INPP5F: variants seen among roughly 807,000 people sequenced by gnomAD.
The protein encoded by INPP5F is inositol polyphosphate-5-phosphatase F.
A neutral mutation model predicts 137.2 loss-of-function variants in INPP5F; 97 were observed. That is an observed-to-expected ratio of 0.71 (90% CI 0.60 to 0.84). The LOEUF is 0.84. Among genes scored for constraint, INPP5F ranks in the 40% least tolerant of loss-of-function variants. The pLI is 0.00. For missense variants in INPP5F, 1,271 were observed against 1,371.9 expected, an observed-to-expected ratio of 0.93 and a Z score of 1.16; for synonymous variants, 504 against 476.9, an observed-to-expected ratio of 1.06 and a Z score of -0.74.
intron 1 of INPP5F, among the ~76,000 whole-genome samples, chr10:119,744,120 T>TCTGTTTTAGTGCTATTAATG (rs1848457665): frequency 6.6e-6 from 1 of 151,104 alleles, no homozygotes; most frequent in Non-Finnish European, 1.5e-5. Context: ...TCTCTTCTAT[T>TCTGTTTTAGTGCTATTAATG]CTGTTTTAGT....
Position 119,827,936 on chromosome 10 carries a change from A to C in INPP5F, c.*156A>C. ...AGTCGGAACCTGAGTAGATTTCCAA[A>C]TTTTACAGCCAGGACTACAGAAGTG... On this transcript the variant is annotated 3_prime_UTR_variant, in exon 20 of 20. Transcript: ENST00000650623. 1.6e-6 allele frequency: 1 copy of C among 612,900 alleles called. No homozygotes were observed. 38.0% of individuals were successfully genotyped at this position (612,900 alleles called of 1,614,324 possible).
At chr10:119,727,163 C>T (rs1281277536) in intron 1 of INPP5F, among the ~76,000 whole-genome samples, 1 of 152,230 alleles carries the variant, frequency 6.6e-6, no homozygotes, top group Non-Finnish European at 1.5e-5. Context: ...TGGGTGGCAC[C>T]TGCCCCTTTT....
rs770768555 is a variant in INPP5F, at chr10:119,805,388, G to A, written c.1246G>A (p.Gly416Arg). 1 of 1,611,268 alleles carries A rather than the reference G, an allele frequency of 6.2e-7. No individual in the cohort carries two copies. Among genetic ancestry groups the A allele is most frequent in the East Asian group, 2.2e-5 (1 of 44,858 alleles). The part of the protein sequence containing the change: ...VSFDFHEHCR[G>R]MKFENVQTLT... ...TTCTTTTGGCATGGATTTTAGCCGA[G>A]GAATGAAGTTTGAGAATGTTCAGAC... is the stretch of plus-strand genomic sequence containing the variant. Residue 416 changes from glycine (G) to arginine (R), a missense_variant, in exon 11 of 20, where the codon GGA (glycine) becomes AGA (arginine). Gly to Arg is a moderately radical substitution (Grantham distance 125, BLOSUM62 -2). Transcript: ENST00000650623.
intron 3 of INPP5F, among the ~76,000 whole-genome samples, chr10:119,785,258 A>G (rs899123111): frequency 8.1e-6 from 1 of 124,138 alleles, no homozygotes; most frequent in African/African-American, 2.9e-5. Context: ...TGGTAACTCT[A>G]TCTAACCTTT....
intron 2 of INPP5F, among the ~76,000 whole-genome samples, chr10:119,777,127 T>G (rs1445666205): frequency 6.6e-6 from 1 of 152,124 alleles, no homozygotes; most frequent in Non-Finnish European, 1.5e-5. Flanking sequence ...ACTCCTGGCC[T>G]TGAGTGATCC....
chr10:119,804,631 T>A (rs1192667901), intron 10 of INPP5F, among the ~76,000 whole-genome samples: 3 of 152,004 alleles, frequency 2.0e-5, no homozygotes, highest in Non-Finnish European at 4.4e-5. Flanking sequence ...AGAATTTCCT[T>A]AAGAGTATCT....
chr10:119,762,538 CACATCTGCAGATGG>C (rs1394159584), intron 2 of INPP5F, among the ~76,000 whole-genome samples: 1 of 152,064 alleles, frequency 6.6e-6, no homozygotes, highest in Non-Finnish European at 1.5e-5. Flanking sequence ...CTGTAGGTTC[CACATCTGCAGATGG>C]ACAATATTCA....
At chr10:119,765,519 A>G (rs779289641) in intron 2 of INPP5F, among the ~76,000 whole-genome samples, 2 of 149,572 alleles carry the variant, frequency 1.3e-5, no homozygotes, top group Non-Finnish European at 3.0e-5. Flanking sequence ...CTACAGGTGC[A>G]CGCCATGATA....
intron 15 of INPP5F, chr10:119,819,379 T>G: frequency 7.3e-7 from 1 of 1,378,360 alleles, no homozygotes; most frequent in Non-Finnish European, 9.5e-7. Context: ...GGACATAATG[T>G]TTTTGACTGG....
intron 2 of INPP5F, among the ~76,000 whole-genome samples, chr10:119,764,972 G>A (rs1849114393): frequency 6.6e-6 from 1 of 151,302 alleles, no homozygotes; most frequent in African/African-American, 2.4e-5. Context: ...CCCTCTTGTC[G>A]CCCAGACTGG....
intron 16 of INPP5F, 47 bp from the exon 17 acceptor site, chr10:119,822,384 A>T: frequency 9.4e-7 from 1 of 1,066,268 alleles, no homozygotes; most frequent in Non-Finnish European, 1.4e-6. Flanking sequence ...CAAGCCAAAT[A>T]TGCTTTTGAT....
rs758146484 is a variant in INPP5F at position 119,810,185 on chromosome 10, G to A, written c.1655G>A (p.Arg552Gln). ...TCAGCAAACAGATATTACCTCAACCGATTTAAGGATGCTTATAGGCAAGCT... is the reference window on the plus strand; with the variant it reads ...TCAGCAAACAGATATTACCTCAACCAATTTAAGGATGCTTATAGGCAAGCT... The part of the protein sequence containing the change: ...VNSANRYYLN[R>Q]FKDAYRQAVI... The change falls in exon 14 of 20, where the codon CGA (arginine) becomes CAA (glutamine). Residue 552 changes from arginine (R) to glutamine (Q), a missense_variant. Coordinates refer to ENST00000650623, the MANE Select transcript of INPP5F (RefSeq NM_014937.4). The A allele has an allele frequency of 1.2e-6, 2 of 1,609,812 alleles. No homozygotes were observed. The highest frequency in any genetic ancestry group is 1.3e-5 in the African/African-American group (1 of 74,812).
intron 15 of INPP5F, among the ~76,000 whole-genome samples, chr10:119,812,278 C>A (rs370217687): frequency 4.2e-4 from 64 of 152,136 alleles, no homozygotes; most frequent in African/African-American, 1.5e-3. Flanking sequence ...TGTATTAATG[C>A]ACATAAGTGA....
chr10:119,815,585 T>C, intron 15 of INPP5F: 1 of 243,186 alleles, frequency 4.1e-6, no homozygotes, highest in Non-Finnish European at 8.6e-6. Context: ...AACCAGTGTC[T>C]GATGCAGAGT....
At chr10:119,730,934 C>T (rs988069076) in intron 1 of INPP5F, among the ~76,000 whole-genome samples, 3 of 151,940 alleles carry the variant, frequency 2.0e-5, no homozygotes, top group South Asian at 2.1e-4. Flanking sequence ...ACTACAGGCA[C>T]GCGCCACCAC....
At chr10:119,772,467 A>C (rs577347234) in intron 2 of INPP5F, among the ~76,000 whole-genome samples, 4 of 152,136 alleles carry the variant, frequency 2.6e-5, no homozygotes, top group Admixed American at 2.0e-4. Flanking sequence ...TGTTGCAAAT[A>C]ATTTCCTGTT....
intron 15 of INPP5F, chr10:119,819,474 T>A: frequency 6.3e-7 from 1 of 1,596,578 alleles, no homozygotes; most frequent in African/African-American, 1.3e-5. Context: ...AGAATTTATT[T>A]CATATTAAAA....
chr10:119,784,650 T>C (rs150396945), intron 3 of INPP5F, among the ~76,000 whole-genome samples: 150 of 152,348 alleles, frequency 9.8e-4, no homozygotes, highest in African/African-American at 3.4e-3. Context: ...TGTTGTCTTT[T>C]TATCGCAAAT....
At chr10:119,726,446 G>A in intron 1 of INPP5F, 87 bp downstream of exon 1, 1 of 735,044 alleles carries the variant, frequency 1.4e-6, no homozygotes, top group Non-Finnish European at 1.8e-6. Flanking sequence ...CGGGCGGGAG[G>A]AGCCGCCTGC....
Sources: allele counts gnomAD v4.1 joint callset (sites outside exome capture counted in the v4.1 genomes callset), GRCh38; gene constraint gnomAD v4.1.1; transcripts MANE v1.5; gene names NCBI Gene and HGNC (gene_info 2026-07-23, HGNC 2026-07-21).